The following SMG9 variants were observed in gnomAD, a reference collection of about 807,000 sequenced individuals.
SMG9 encodes nonsense-mediated mRNA decay factor SMG9.
In SMG9, 55 loss-of-function variants were observed where a neutral mutation model predicts 64.0. The ratio of observed to expected loss-of-function variants is 0.86; its 90% CI spans 0.69 to 1.08. SMG9 has a LOEUF of 1.08. Ranked by LOEUF, SMG9 falls within the 50% of genes least tolerant of loss-of-function variation. The pLI is 0.00. For missense variants in SMG9, 554 were observed against 681.3 expected (o/e 0.81, Z 2.08); for synonymous variants, 244 against 254.8 (o/e 0.96, Z 0.41).
intron 5 of SMG9, among the ~76,000 whole-genome samples, chr19:43,745,175 G>A (rs796865797): frequency 6.6e-6 from 1 of 152,172 alleles, no homozygotes; most frequent in East Asian, 1.9e-4. Flanking sequence ...AACACAGCGG[G>A]AAAAAGGGAA....
chr19:43,746,857 T>C (rs1392454728), intron 5 of SMG9, among the ~76,000 whole-genome samples: 1 of 151,480 alleles, frequency 6.6e-6, no homozygotes, highest in East Asian at 1.9e-4. Context: ...GGTCTCACTC[T>C]GTTGTTGAGG....
At chr19:43,737,448 G>A (rs925202380) in intron 9 of SMG9, 149 bp downstream of exon 9, 2 of 621,182 alleles carry the variant, frequency 3.2e-6, no homozygotes, top group Middle Eastern at 2.6e-4. Context: ...AGTGCTTTGA[G>A]GGGGAGGTTA....
intron 4 of SMG9, 28 bp from the exon 5 acceptor site, chr19:43,747,567 A>C (rs1969055968): frequency 6.2e-7 from 1 of 1,614,178 alleles, no homozygotes; most frequent in Non-Finnish European, 8.5e-7. Context: ...CAGGAGACAG[A>C]GGATGCAGTG....
At chr19:43,739,050 GGCTCT>G (rs1968762752) in intron 7 of SMG9, among the ~76,000 whole-genome samples, 2 of 152,350 alleles carry the variant, frequency 1.3e-5, no homozygotes, top group African/African-American at 4.8e-5. Context: ...CCAGAGCCAG[GGCTCT>G]GCTCTGAAGA....
chr19:43,751,820 G>A (rs1478041449), intron 1 of SMG9, among the ~76,000 whole-genome samples: 3 of 152,208 alleles, frequency 2.0e-5, no homozygotes, highest in Admixed American at 1.3e-4. Flanking sequence ...GGGGTTCCAC[G>A]TTAACCTTGA....
rs1445155688 is a variant in SMG9 at position 43,744,798 on chromosome 19, T to G, written c.675A>C (p.Ser225=). 1 of 1,613,862 alleles carries G rather than the reference T, an allele frequency of 6.2e-7. No individual in the cohort carries two copies. Among genetic ancestry groups the G allele is most frequent in the South Asian group, 1.1e-5 (1 of 91,046 alleles). The change falls in exon 6 of 14, where the codon TCA becomes TCC. Residue 225 remains serine (S), a synonymous_variant. Transcript: ENST00000270066. ...TCTGGTCCTCCTCTGGAGTGTTGGC[T>G]GACAACAATGACATGACCATGGACT... ...TGKSMVMSLL[S]ANTPEEDQRT...
In SMG9 at chr19:43,733,355, A is replaced by G; in HGVS notation, c.1308T>C (p.Ser436=). 1 of 1,613,960 alleles carries G rather than the reference A, an allele frequency of 6.2e-7. No homozygotes were observed. Among genetic ancestry groups the G allele is most frequent in the South Asian group, 1.1e-5 (1 of 91,064 alleles). The change falls in exon 12 of 14, where the codon AGT becomes AGC. Residue 436 remains serine (S), a synonymous_variant. Coordinates refer to ENST00000270066, the MANE Select transcript of SMG9 (RefSeq NM_019108.4). ...VNLFLVPFMD[S]EAESENPPRA... Reference sequence around the variant, plus strand: ...TTGGTGGGTTTTCACTCTCTGCTTCACTGTCCATGAAGGGTACCAGGAATA... The same window carrying G: ...TTGGTGGGTTTTCACTCTCTGCTTCGCTGTCCATGAAGGGTACCAGGAATA...
chr19:43,752,696 G>A (rs1030536495), intron 1 of SMG9, among the ~76,000 whole-genome samples: 3 of 152,054 alleles, frequency 2.0e-5, no homozygotes, highest in Admixed American at 6.6e-5. Flanking sequence ...CCAGGAGTTC[G>A]AGACCAGCTT....
Position 43,728,381 on chromosome 19 carries a change from G to T in SMG9, c.*3215C>A, listed in dbSNP as rs906873171. 7.1e-5 allele frequency: 11 copies of T among 154,328 alleles called. No individual in the cohort carries two copies. The highest frequency in any genetic ancestry group is 1.9e-4 in the African/African-American group (8 of 41,250). 9.6% of individuals were successfully genotyped at this position (154,328 alleles called of 1,614,324 possible). On this transcript the variant is annotated 3_prime_UTR_variant, in exon 14 of 14. Coordinates refer to ENST00000270066, the MANE Select transcript of SMG9 (RefSeq NM_019108.4). ...CTGCTCCCAGTTCACCTTCCGCCAT[G>T]ATTGTAAGTTTCCTGAGGCCTCCCC...
rs902928896 is a variant in SMG9 at position 43,734,380 on chromosome 19, G to T, written c.1102+9C>A. On this transcript the variant is annotated intron_variant, in intron 10 of 13. Transcript: ENST00000270066. ...TGCCCACCCCTCCAGTCCCCAGAAA[G>T]CCTCTCACCTAGGTGGGGGTAGTAC... The T allele has an allele frequency of 1.7e-5, 26 of 1,548,640 alleles. No homozygotes were observed. The highest frequency in any genetic ancestry group is 2.2e-5 in the Non-Finnish European group (25 of 1,144,536).
At position 43,730,171 on chromosome 19, in the gene SMG9, G is replaced by A. The variant is rs561616772; in HGVS notation, c.*1425C>T. ...GACAAATATGTGCCACGGGCGGCAGGGGGTGGGGGAGGGCAATGGATGAAC... is the reference window on the plus strand; with the variant it reads ...GACAAATATGTGCCACGGGCGGCAGAGGGTGGGGGAGGGCAATGGATGAAC... On this transcript the variant is annotated 3_prime_UTR_variant, in exon 14 of 14. Transcript: ENST00000270066. 1 of 152,312 alleles carries A rather than the reference G, an allele frequency of 6.6e-6. No homozygotes were observed. Among genetic ancestry groups the A allele is most frequent in the South Asian group, 2.1e-4 (1 of 4,834 alleles). 9.4% of individuals were successfully genotyped at this position (152,312 alleles called of 1,614,324 possible). A position where few individuals can be genotyped will look rare whatever the true frequency, so the allele number is the denominator to read the frequency against.
chr19:43,746,540 G>A (rs894406397), intron 5 of SMG9, among the ~76,000 whole-genome samples: 1 of 152,108 alleles, frequency 6.6e-6, no homozygotes, highest in Non-Finnish European at 1.5e-5. Context: ...ACACAGAAGT[G>A]GCAGGGGCAA....
rs1377156901 is a variant in SMG9, at chr19:43,744,709, A to G, written c.701+63T>C. On this transcript the variant is annotated intron_variant, in intron 6 of 13. Transcript: ENST00000270066. ...AACACCACTTGAAACACCCAAGCCC[A>G]CCTTGCCCCTGCTCCCAGTGGGTGC... 9 of 1,271,166 alleles carry G rather than the reference A, an allele frequency of 7.1e-6. No individual in the cohort carries two copies. In the East Asian group the frequency reaches 1.9e-4, roughly 27 times the overall value. The allele number at this position is 1,271,166 out of a possible 1,614,324, so 78.7% of individuals were successfully genotyped here.
intron 7 of SMG9, among the ~76,000 whole-genome samples, chr19:43,738,563 TA>T (rs879663677): frequency 1.1e-3 from 166 of 144,844 alleles, no homozygotes; most frequent in Middle Eastern, 3.6e-3. Flanking sequence ...ATTACTTAGG[TA>T]AAAAAAAAAA....
chr19:43,732,007 G>C (rs529592623), intron 13 of SMG9, among the ~76,000 whole-genome samples: 1 of 152,166 alleles, frequency 6.6e-6, no homozygotes, highest in Admixed American at 6.5e-5. Context: ...AGAGTCTTAC[G>C]ACATAGAAAA....
In SMG9 at chr19:43,748,064, G is replaced by C. The variant is rs1969082531; in HGVS notation, c.151-12C>G. ...TCTTCGCTGGCATCCTGTGGTGAGG[G>C]AGGGCAGTTACTCATGAATGGCTCT... On this transcript the variant is annotated splice_polypyrimidine_tract_variant and intron_variant, in intron 2 of 13. Coordinates refer to ENST00000270066, the MANE Select transcript of SMG9 (RefSeq NM_019108.4). The C allele has an allele frequency of 6.2e-7, 1 of 1,600,878 alleles. No homozygotes were observed. The highest frequency in any genetic ancestry group is 1.3e-5 in the African/African-American group (1 of 74,456).
intron 2 of SMG9, among the ~76,000 whole-genome samples, chr19:43,749,690 G>A (rs1222578872): frequency 6.6e-6 from 1 of 152,188 alleles, no homozygotes; most frequent in Non-Finnish European, 1.5e-5. Flanking sequence ...CAGGGCCCTA[G>A]AGAAAAAAGC....
Position 43,754,950 on chromosome 19 carries a change from T to G in SMG9, c.-303A>C, listed in dbSNP as rs1234373053. ...CTGCGCATGCGCTGAGGGCTGGAGC[T>G]CGAGAACTGAATGCGCTCGCCGGGC... On this transcript the variant is annotated 5_prime_UTR_variant, in exon 1 of 14. Transcript: ENST00000270066. 2.0e-5 allele frequency: 3 copies of G among 152,180 alleles called. No individual in the cohort carries two copies. The highest frequency in any genetic ancestry group is 4.4e-5 in the Non-Finnish European group (3 of 68,070). 9.4% of individuals were successfully genotyped at this position (152,180 alleles called of 1,614,324 possible). A position where few individuals can be genotyped will look rare whatever the true frequency, so the allele number is the denominator to read the frequency against.
chr19:43,743,678 C>G (rs1198246269), intron 6 of SMG9, among the ~76,000 whole-genome samples: 1 of 152,154 alleles, frequency 6.6e-6, no homozygotes, highest in Non-Finnish European at 1.5e-5. Context: ...CCCCTGTAGT[C>G]CCAGCTACTT....
Sources: gnomAD v4.1 joint callset for allele counts (sites outside exome capture counted in the v4.1 genomes callset) on GRCh38, gnomAD v4.1.1 for gene constraint, MANE v1.5 for transcripts, NCBI Gene and HGNC (gene_info 2026-07-23, HGNC 2026-07-21) for gene names.